TMEM150C: variants seen among roughly 807,000 people sequenced by gnomAD.
TMEM150C encodes the protein tentonin 3.
Under a neutral mutation model 29.9 loss-of-function variants are expected in TMEM150C, and 10 were observed. That is an observed-to-expected ratio of 0.33 (90% CI 0.21 to 0.57). TMEM150C has a LOEUF of 0.57. TMEM150C is among the 20% of genes least tolerant of loss of function. The probability of loss-of-function intolerance (pLI) is 0.88; values close to 1 mark genes in which losing one functional copy is unlikely to be tolerated. For synonymous variants in TMEM150C, 101 were observed against 112.5 expected, an observed-to-expected ratio of 0.90 and a Z score of 0.64; for missense variants, 251 against 303.6, an observed-to-expected ratio of 0.83 and a Z score of 1.29.
At chr4:82,519,487 A>G (rs1364910543) in intron 1 of TMEM150C, among the ~76,000 whole-genome samples, 2 of 151,904 alleles carry the variant, frequency 1.3e-5, no homozygotes, top group Non-Finnish European at 2.9e-5. Context: ...TGCAGTGGCC[A>G]AGATCTCGGC....
Position 82,483,312 on chromosome 4 carries a change from G to A in TMEM150C, c.*2199C>T, listed in dbSNP as rs1336594791. 2.0e-4 allele frequency: 31 copies of A among 152,082 alleles called. No individual in the cohort carries two copies. Among genetic ancestry groups the A allele is most frequent in the Admixed American group, 2.0e-3 (31 of 15,274 alleles). The allele number at this position is 152,082 out of a possible 1,614,324, so 9.4% of individuals were successfully genotyped here. ...GCATCACCAAAAGCTGTTTAATTTG[G>A]ATTGTGTAGAATAAAAGAAAACTAC... is the stretch of plus-strand genomic sequence containing the variant. On this transcript the variant is annotated 3_prime_UTR_variant, in exon 8 of 8. Transcript: ENST00000449862.
intron 1 of TMEM150C, among the ~76,000 whole-genome samples, chr4:82,525,802 G>A (rs11947117): frequency 0.14 from 21,551 of 152,088 alleles, 3,574 homozygotes; most frequent in African/African-American, 0.4. Flanking sequence ...TTGCTCCCTG[G>A]GTTGTAAAAC....
intron 1 of TMEM150C, among the ~76,000 whole-genome samples, chr4:82,529,395 C>T (rs935739608): frequency 1.3e-5 from 2 of 151,890 alleles, no homozygotes; most frequent in African/African-American, 4.8e-5. Flanking sequence ...CTCAAGCAAT[C>T]CTCCCATCTC....
At chr4:82,554,489 A>ACAG (rs1379156678) in intron 1 of TMEM150C, among the ~76,000 whole-genome samples, 6 of 152,232 alleles carry the variant, frequency 3.9e-5, no homozygotes, top group Non-Finnish European at 4.4e-5. Context: ...TAAAAAATAT[A>ACAG]TGTTAATTTT....
intron 7 of TMEM150C, among the ~76,000 whole-genome samples, chr4:82,486,335 TAAAAA>T (rs527967958): frequency 4.1e-4 from 21 of 51,306 alleles, no homozygotes; most frequent in Admixed American, 2.0e-3. Flanking sequence ...GACTCCATCT[TAAAAA>T]AAAAAAAAAA....
intron 1 of TMEM150C, among the ~76,000 whole-genome samples, chr4:82,560,571 A>G (rs17005806): frequency 0.011 from 1,600 of 152,324 alleles, 23 homozygotes; most frequent in African/African-American, 0.036. Flanking sequence ...CATACAAGAA[A>G]AAGTTTGGGA....
intron 1 of TMEM150C, among the ~76,000 whole-genome samples, chr4:82,544,118 C>A (rs1725279632): frequency 1.3e-5 from 2 of 152,186 alleles, no homozygotes; most frequent in African/African-American, 4.8e-5. Context: ...AGTAAATATT[C>A]ATTAAGTTTT....
At chr4:82,524,310 G>A (rs1328009147) in intron 1 of TMEM150C, among the ~76,000 whole-genome samples, 1 of 151,906 alleles carries the variant, frequency 6.6e-6, no homozygotes, top group Non-Finnish European at 1.5e-5. Context: ...TATTTCATAA[G>A]TATTTTATTT....
chr4:82,532,387 C>G (rs192684171), intron 1 of TMEM150C, among the ~76,000 whole-genome samples: 2 of 152,246 alleles, frequency 1.3e-5, no homozygotes, highest in East Asian at 3.9e-4. Flanking sequence ...AAGATGCACC[C>G]TCTTCATGAA....
chr4:82,487,938 T>C (rs2110061066), intron 7 of TMEM150C, among the ~76,000 whole-genome samples: 1 of 152,264 alleles, frequency 6.6e-6, no homozygotes, highest in South Asian at 2.1e-4. Context: ...TATATTTATT[T>C]ATTTATTTAT....
chr4:82,503,079 T>C lies in TMEM150C; in HGVS notation c.114A>G (p.Leu38=), dbSNP rs773422871. 2.3e-5 allele frequency: 37 copies of C among 1,612,322 alleles called. No homozygotes were observed. The East Asian group carries it at 8.0e-4, about 35-fold the overall frequency. The change falls in exon 3 of 8, where the codon TTA becomes TTG. Residue 38 remains leucine (L), a synonymous_variant. Transcript: ENST00000449862. Reference sequence around the variant, plus strand: ...TTTACCTTTCAGCTGAATTTAATGGTAAAATTTTGTCATCTTCCACAGCTA... The same window carrying C: ...TTTACCTTTCAGCTGAATTTAATGGCAAAATTTTGTCATCTTCCACAGCTA... ...YFIAVEDDKI[L]PLNSAERKPG...
chr4:82,556,859 C>T lies in TMEM150C; in HGVS notation c.-11+5047G>A, dbSNP rs72897904. Reference sequence around the variant, plus strand: ...TGGACACTAATTTGGGAAATGTTATCAGGGGGTGTTAATATCTTCAACACA... The same window carrying T: ...TGGACACTAATTTGGGAAATGTTATTAGGGGGTGTTAATATCTTCAACACA... On this transcript the variant is annotated intron_variant, in intron 1 of 7. Transcript: ENST00000449862. 2.4e-3 allele frequency among the ~76,000 whole-genome samples: 373 copies of T among 152,264 alleles called. 1 individual carries two copies. The highest frequency in any genetic ancestry group is 8.4e-3 in the African/African-American group (349 of 41,532).
At chr4:82,532,458 C>T (rs966980678) in intron 1 of TMEM150C, among the ~76,000 whole-genome samples, 2 of 152,168 alleles carry the variant, frequency 1.3e-5, no homozygotes, top group African/African-American at 4.8e-5. Context: ...AAGCGACAAT[C>T]AATGAGCTTT....
intron 1 of TMEM150C, among the ~76,000 whole-genome samples, chr4:82,548,353 A>G (rs1477152017): frequency 2.0e-5 from 3 of 152,248 alleles, no homozygotes; most frequent in African/African-American, 4.8e-5. Flanking sequence ...AAATTAAAAC[A>G]TAGTTTTTCA....
rs376571700 is a variant in TMEM150C, at chr4:82,523,697, CTT to C, written c.-10-19032_-10-19031del. 4.2e-3 allele frequency among the ~76,000 whole-genome samples: 613 copies of C among 146,096 alleles called. 7 individuals carry two copies. The highest frequency in any genetic ancestry group is 0.015 in the African/African-American group (585 of 40,286). On this transcript the variant is annotated intron_variant, in intron 1 of 7. Transcript: ENST00000449862. Reference sequence around the variant, plus strand: ...TTAATAACTCCTACAACACAAATAACTTTTTTTTTTTTTTAAATAACTCAGGC... The same window carrying C: ...TTAATAACTCCTACAACACAAATAACTTTTTTTTTTTTAAATAACTCAGGC...
In TMEM150C at chr4:82,531,872, T is replaced by C. The variant is rs149482711; in HGVS notation, c.-10-27205A>G. Among the ~76,000 whole-genome samples, 240 of 151,260 alleles carry C rather than the reference T, an allele frequency of 1.6e-3. 1 individual carries two copies. Among genetic ancestry groups the C allele is most frequent in the African/African-American group, 5.6e-3 (230 of 41,192 alleles). On this transcript the variant is annotated intron_variant, in intron 1 of 7. Transcript: ENST00000449862. ...CAAAGAGGTGGTCAACAATGTCAAA[T>C]GTCCTTAGAGTTCAACCAGGACTAG...
intron 1 of TMEM150C, among the ~76,000 whole-genome samples, chr4:82,525,655 C>T (rs557333868): frequency 2.6e-5 from 4 of 152,158 alleles, no homozygotes; most frequent in Non-Finnish European, 5.9e-5. Context: ...AATATGGTTA[C>T]GAAATGACAC....
intron 2 of TMEM150C, 72 bp from the exon 3 acceptor site, chr4:82,503,184 A>C: frequency 1.9e-6 from 2 of 1,067,468 alleles, no homozygotes; most frequent in South Asian, 1.4e-5. Flanking sequence ...AGTTTTATTA[A>C]ACTAACTGCA....
chr4:82,504,758 C>T (rs548743862), intron 1 of TMEM150C, 91 bp from the exon 2 acceptor site: 40 of 1,026,586 alleles, frequency 3.9e-5, no homozygotes, highest in Admixed American at 8.4e-5. Flanking sequence ...GGGCCAAGCA[C>T]GGTGGCTTAC....
Sources: gnomAD v4.1 joint callset for allele counts (sites outside exome capture counted in the v4.1 genomes callset) on GRCh38, gnomAD v4.1.1 for gene constraint, MANE v1.5 for transcripts, NCBI Gene and HGNC (gene_info 2026-07-23, HGNC 2026-07-21) for gene names.